CLVS1: variants seen among roughly 807,000 people sequenced by gnomAD.
CLVS1 encodes the protein clavesin 1.
A neutral mutation model predicts 33.1 loss-of-function variants in CLVS1; 10 were observed. The observed-to-expected ratio is 0.30, with a 90% confidence interval of 0.19 to 0.51. CLVS1 has a LOEUF of 0.51. Ranked by LOEUF, CLVS1 falls within the 20% of genes least tolerant of loss-of-function variation. The pLI is 0.97. For missense variants in CLVS1, 343 were observed against 433.4 expected, an observed-to-expected ratio of 0.79 and a Z score of 1.85; for synonymous variants, 163 against 166.1, an observed-to-expected ratio of 0.98 and a Z score of 0.14.
At chr8:61,134,986 G>T (rs890692283) in intron 2 of CLVS1, among the ~76,000 whole-genome samples, 2 of 151,792 alleles carry the variant, frequency 1.3e-5, no homozygotes, top group Non-Finnish European at 2.9e-5. Flanking sequence ...GAGAATGGAT[G>T]GTACAGCTCA....
intron 1 of CLVS1, among the ~76,000 whole-genome samples, chr8:61,110,177 G>A (rs1563406270): frequency 6.6e-6 from 1 of 152,128 alleles, no homozygotes; most frequent in Non-Finnish European, 1.5e-5. Flanking sequence ...ACCACCAGTG[G>A]GGTCGGCCTG....
chr8:61,228,065 G>T (rs1208111267), intron 2 of CLVS1, among the ~76,000 whole-genome samples: 6 of 152,150 alleles, frequency 3.9e-5, no homozygotes, highest in Middle Eastern at 3.2e-3. Context: ...GTTCCAAAGA[G>T]AAGTGACTTT....
At chr8:61,006,657 T>C in the CLVS1 span, among the ~76,000 whole-genome samples, 13 of 152,314 alleles carry the variant, frequency 8.5e-5, no homozygotes, top group Non-Finnish European at 1.5e-4. Context: ...ATTGATTGTA[T>C]ATCACCGTTT....
At chr8:61,311,295 T>C (rs985789998) in intron 2 of CLVS1, among the ~76,000 whole-genome samples, 1 of 152,230 alleles carries the variant, frequency 6.6e-6, no homozygotes, top group Admixed American at 6.5e-5. Flanking sequence ...CAAATAGTTC[T>C]TTGAATATTT....
intron 2 of CLVS1, among the ~76,000 whole-genome samples, chr8:61,255,731 A>G (rs1344000877): frequency 1.3e-5 from 2 of 152,184 alleles, no homozygotes; most frequent in Non-Finnish European, 2.9e-5. Context: ...GTTTTGTACT[A>G]TCTGTCAAAA....
chr8:61,381,081 C>A (rs913318754), intron 3 of CLVS1, among the ~76,000 whole-genome samples: 1 of 151,920 alleles, frequency 6.6e-6, no homozygotes, highest in Non-Finnish European at 1.5e-5. Flanking sequence ...CATTTTCATG[C>A]TCATGTCATT....
chr8:61,115,802 C>G (rs1459119603), intron 1 of CLVS1, among the ~76,000 whole-genome samples: 5 of 146,768 alleles, frequency 3.4e-5, no homozygotes, highest in Non-Finnish European at 5.9e-5. Flanking sequence ...GGTTCCAAGT[C>G]TTTGCTATGG....
At chr8:61,014,085 G>GTTTTTTT in the CLVS1 span, among the ~76,000 whole-genome samples, 2 of 126,820 alleles carry the variant, frequency 1.6e-5, no homozygotes, top group Non-Finnish European at 3.3e-5. Context: ...ACTTTTTAGT[G>GTTTTTTT]TTTTTTTTTT....
chr8:61,445,389 G>A (rs1274300331), intron 3 of CLVS1, among the ~76,000 whole-genome samples: 1 of 152,106 alleles, frequency 6.6e-6, no homozygotes, highest in Admixed American at 6.5e-5. Flanking sequence ...GGTCCTCATG[G>A]TAATGACTTC....
chr8:61,372,560 A>G (rs1017686742), intron 2 of CLVS1, among the ~76,000 whole-genome samples: 2 of 151,440 alleles, frequency 1.3e-5, no homozygotes, highest in Non-Finnish European at 2.9e-5. Flanking sequence ...CATTATTAAT[A>G]CGTTATTCAT....
intron 2 of CLVS1, among the ~76,000 whole-genome samples, chr8:61,323,799 C>G (rs970467514): frequency 6.6e-6 from 1 of 152,112 alleles, no homozygotes; most frequent in African/African-American, 2.4e-5. Context: ...CTGGCCCTCT[C>G]TCTCCTCCTG....
chr8:61,168,487 AG>A (rs1806926513), intron 2 of CLVS1, among the ~76,000 whole-genome samples: 1 of 152,246 alleles, frequency 6.6e-6, no homozygotes, highest in African/African-American at 2.4e-5. Flanking sequence ...GTAGCAATGT[AG>A]AGAAAATAAT....
chr8:61,166,034 T>TTTTTTTG (rs1806857323), intron 2 of CLVS1, among the ~76,000 whole-genome samples: 2 of 146,956 alleles, frequency 1.4e-5, no homozygotes, highest in African/African-American at 2.5e-5. Context: ...TCTAAGCGTT[T>TTTTTTTG]TTTTTTTTTT....
At chr8:61,220,933 C>A (rs1315462026) in intron 2 of CLVS1, among the ~76,000 whole-genome samples, 1 of 151,866 alleles carries the variant, frequency 6.6e-6, no homozygotes, top group African/African-American at 2.4e-5. Flanking sequence ...TTATTTTATT[C>A]TCTAGTGTAG....
chr8:61,479,262 T>C (rs1034556921), intron 5 of CLVS1, among the ~76,000 whole-genome samples: 1 of 152,236 alleles, frequency 6.6e-6, no homozygotes. Context: ...CCATACTTCT[T>C]GGAGGCTTTG....
chr8:60,968,029 C>T, the CLVS1 span, among the ~76,000 whole-genome samples: 1 of 152,110 alleles, frequency 6.6e-6, no homozygotes, highest in Non-Finnish European at 1.5e-5. Context: ...GCATCAAATT[C>T]TCGGGCCCAA....
intron 5 of CLVS1, among the ~76,000 whole-genome samples, chr8:61,487,880 C>T (rs988494691): frequency 1.3e-5 from 2 of 152,222 alleles, no homozygotes; most frequent in Non-Finnish European, 2.9e-5. Context: ...ATCAACATTT[C>T]GTCAGCCATT....
chr8:61,084,817 C>T (rs1183179795), intron 1 of CLVS1, among the ~76,000 whole-genome samples: 1 of 152,144 alleles, frequency 6.6e-6, no homozygotes, highest in East Asian at 1.9e-4. Flanking sequence ...AAAACCTAGT[C>T]ATTGGGGGTA....
Position 61,338,964 on chromosome 8 carries a change from CTGTGTGTGTGTGTG to C in CLVS1, c.456-37625_456-37612del, listed in dbSNP as rs10608173. 8.9e-3 allele frequency among the ~76,000 whole-genome samples: 1,324 copies of C among 148,622 alleles called. 27 individuals are homozygous for C. Among genetic ancestry groups the C allele is most frequent in the African/African-American group, 0.031 (1,241 of 39,980 alleles). Reference sequence around the variant, plus strand: ...GTAGGCTTGGCCACCAAAGGGAACACTGTGTGTGTGTGTGTGTGTGTGTGTGTGTATGCATGTGA... The same window carrying C: ...GTAGGCTTGGCCACCAAAGGGAACACTGTGTGTGTGTGTGTATGCATGTGA... On this transcript the variant is annotated intron_variant, in intron 2 of 5. Transcript: ENST00000325897.
Sources: gnomAD v4.1 joint callset for allele counts (sites outside exome capture counted in the v4.1 genomes callset) on GRCh38, gnomAD v4.1.1 for gene constraint, MANE v1.5 for transcripts, NCBI Gene and HGNC (gene_info 2026-07-23, HGNC 2026-07-21) for gene names.